The following MVB12B variants were observed in gnomAD, a reference collection of about 807,000 sequenced individuals.
The protein encoded by MVB12B is multivesicular body subunit 12B.
A neutral mutation model predicts 41.6 loss-of-function variants in MVB12B; 16 were observed. The ratio of observed to expected loss-of-function variants is 0.38; its 90% confidence interval spans 0.26 to 0.58. MVB12B has a LOEUF of 0.58. Ranked by LOEUF, MVB12B falls within the 20% of genes least tolerant of loss-of-function variation. The pLI, the probability that MVB12B is intolerant of heterozygous loss-of-function variation, is 0.62. For missense variants in MVB12B, 274 were observed against 380.2 expected, an observed-to-expected ratio of 0.72 and a Z score of 2.32; for synonymous variants, 133 against 139.7, an observed-to-expected ratio of 0.95 and a Z score of 0.34.
In MVB12B at chr9:126,376,736, C is replaced by T; in HGVS notation, c.205-4328C>T. On this transcript the variant is annotated intron_variant, in intron 2 of 9. Coordinates refer to ENST00000361171, the MANE Select transcript of MVB12B (RefSeq NM_033446.3). The surrounding 1 kb of genome is among the most constrained non-coding windows in gnomAD (Gnocchi z 4.1). ...GAAGTTGCACCTCCTCCCCCACCTC[C>T]TCCTGACCTCCAGCCTCCTTCCCCA... The T allele has an allele frequency of 8.1e-7, 1 of 1,240,036 alleles. No homozygotes were observed. Among genetic ancestry groups the T allele is most frequent in the Non-Finnish European group, 1.0e-6 (1 of 960,936 alleles). The allele number at this position is 1,240,036 out of a possible 1,614,324, so 76.8% of individuals were successfully genotyped here. A position where few individuals can be genotyped will look rare whatever the true frequency, so the allele number is the denominator to read the frequency against.
At chr9:126,329,298 C>G (rs1829064087) in intron 1 of MVB12B, among the ~76,000 whole-genome samples, 1 of 152,210 alleles carries the variant, frequency 6.6e-6, no homozygotes, top group South Asian at 2.1e-4. Flanking sequence ...TCAAGAAGAG[C>G]TGAAGGAGCT....
chr9:126,463,917 C>T (rs1588192880), intron 7 of MVB12B, among the ~76,000 whole-genome samples: 1 of 152,180 alleles, frequency 6.6e-6, no homozygotes, highest in South Asian at 2.1e-4. Context: ...CTACTATCTT[C>T]GTCACTCCCG....
chr9:126,360,017 C>T (rs1829986619), intron 2 of MVB12B, among the ~76,000 whole-genome samples: 1 of 152,054 alleles, frequency 6.6e-6, no homozygotes. Context: ...AAGTTTTGGT[C>T]ATTGATTTGA....
chr9:126,378,553 G>A (rs1045831501), intron 2 of MVB12B, among the ~76,000 whole-genome samples: 2 of 152,052 alleles, frequency 1.3e-5, no homozygotes, highest in Non-Finnish European at 2.9e-5. Context: ...CCATTCCAGA[G>A]CCCTTCTCTG....
At chr9:126,381,593 C>G (rs144461923) in intron 3 of MVB12B, among the ~76,000 whole-genome samples, 1 of 152,164 alleles carries the variant, frequency 6.6e-6, no homozygotes, top group South Asian at 2.1e-4. Context: ...GACGTTTCCT[C>G]GCTCTTTGAG....
intron 6 of MVB12B, among the ~76,000 whole-genome samples, chr9:126,408,849 G>A (rs1377582375): frequency 6.6e-6 from 1 of 152,202 alleles, no homozygotes; most frequent in Admixed American, 6.5e-5. Context: ...CCAAGCTGAT[G>A]TATAGTTCTA....
chr9:126,437,173 T>A (rs1169586010), intron 7 of MVB12B, among the ~76,000 whole-genome samples: 1 of 152,080 alleles, frequency 6.6e-6, no homozygotes. Context: ...AGCCCAGGAG[T>A]GGCATGCTGT....
chr9:126,354,848 A>T (rs1047973487), intron 2 of MVB12B, among the ~76,000 whole-genome samples: 1 of 152,206 alleles, frequency 6.6e-6, no homozygotes, highest in African/African-American at 2.4e-5. Flanking sequence ...ATAAAAACTT[A>T]AAAAAATTAG....
At chr9:126,457,776 G>T (rs1833012971) in intron 7 of MVB12B, among the ~76,000 whole-genome samples, 1 of 152,234 alleles carries the variant, frequency 6.6e-6, no homozygotes, top group Middle Eastern at 3.4e-3. Context: ...ATGTGTTTGG[G>T]ATTTTACAGG....
At chr9:126,455,438 G>A (rs554739710) in intron 7 of MVB12B, among the ~76,000 whole-genome samples, 3 of 151,848 alleles carry the variant, frequency 2.0e-5, no homozygotes, top group African/African-American at 7.2e-5. Context: ...CACCCACCTC[G>A]GCCTCCCAAA....
chr9:126,478,857 C>T lies in MVB12B; in HGVS notation c.758-2512C>T, dbSNP rs780668722. On this transcript the variant is annotated intron_variant, in intron 7 of 9. Coordinates refer to ENST00000361171, the MANE Select transcript of MVB12B (RefSeq NM_033446.3). The surrounding 1 kb of genome is among the most constrained non-coding windows in gnomAD (Gnocchi z 4.2). ...CACAGGATCCCTAGACATACAGTGA[C>T]ATGTAGATAGAAACAACTGTCACCA... 1.5e-4 allele frequency among the ~76,000 whole-genome samples: 23 copies of T among 152,208 alleles called. No individual in the cohort carries two copies. Among genetic ancestry groups the T allele is most frequent in the Non-Finnish European group, 3.1e-4 (21 of 68,038 alleles).
rs924391771 is a variant in MVB12B at position 126,391,892 on chromosome 9, G to A, written c.410-174G>A. 1.3e-5 allele frequency among the ~76,000 whole-genome samples: 2 copies of A among 152,164 alleles called. No homozygotes were observed. Among genetic ancestry groups the A allele is most frequent in the Admixed American group, 6.5e-5 (1 of 15,274 alleles). On this transcript the variant is annotated intron_variant, in intron 4 of 9. Transcript: ENST00000361171. The surrounding 1 kb of genome is among the most constrained non-coding windows in gnomAD (Gnocchi z 4.4). ...GGTTGGGTCCCACATGCAGAGCAGGGTGACTGCAGCCCCGGGGAAGGCAGG... is the reference window on the plus strand; with the variant it reads ...GGTTGGGTCCCACATGCAGAGCAGGATGACTGCAGCCCCGGGGAAGGCAGG...
In MVB12B at chr9:126,505,314, G is replaced by C. The variant is rs1483919295; in HGVS notation, c.*2051G>C. The C allele has an allele frequency of 6.6e-6, 1 of 152,166 alleles. No individual in the cohort carries two copies. The highest frequency in any genetic ancestry group is 1.5e-5 in the Non-Finnish European group (1 of 68,026). The allele number at this position is 152,166 out of a possible 1,614,324, so 9.4% of individuals were successfully genotyped here. ...ATAAGCAGTGAGGGCGGCTGCAGGA[G>C]AGGAAGGGGCTCCCACAGCCCCCAC... On this transcript the variant is annotated 3_prime_UTR_variant, in exon 10 of 10. Coordinates refer to ENST00000361171, the MANE Select transcript of MVB12B (RefSeq NM_033446.3).
intron 2 of MVB12B, among the ~76,000 whole-genome samples, chr9:126,358,861 C>T (rs532774288): frequency 1.3e-5 from 2 of 152,248 alleles, no homozygotes; most frequent in African/African-American, 4.8e-5. Context: ...GCATTCTTGC[C>T]TTTTCCCAAA....
chr9:126,335,671 G>A (rs1294188737), intron 1 of MVB12B, among the ~76,000 whole-genome samples: 2 of 152,192 alleles, frequency 1.3e-5, no homozygotes, highest in African/African-American at 4.8e-5. Flanking sequence ...TTTACTGGGG[G>A]ACAACCCATT....
intron 7 of MVB12B, among the ~76,000 whole-genome samples, chr9:126,439,094 T>A (rs1357255237): frequency 6.6e-6 from 1 of 152,108 alleles, no homozygotes; most frequent in Non-Finnish European, 1.5e-5. Context: ...CTTTTTTTTT[T>A]ATTTTAATAC....
At chr9:126,472,799 G>T (rs1017840249) in intron 7 of MVB12B, among the ~76,000 whole-genome samples, 5 of 152,086 alleles carry the variant, frequency 3.3e-5, no homozygotes, top group Admixed American at 1.3e-4. Flanking sequence ...ATGATAAAGG[G>T]CATATACTTA....
At position 126,459,728 on chromosome 9, in the gene MVB12B, AGCGCTCACAGGGGCC is replaced by A. The variant is rs1273459421; in HGVS notation, c.758-21632_758-21618del. 1.3e-5 allele frequency among the ~76,000 whole-genome samples: 2 copies of A among 152,098 alleles called. No homozygotes were observed. The highest frequency in any genetic ancestry group is 2.9e-5 in the Non-Finnish European group (2 of 68,020). ...GCAGCTTGGAGTGCGCAGTTGTTAC[AGCGCTCACAGGGGCC>A]GCGCTCACCTGCACCCATCCTTGCC... On this transcript the variant is annotated intron_variant, in intron 7 of 9. Transcript: ENST00000361171. This position sits in a 1 kb window ranked among gnomAD's most constrained non-coding sequence, Gnocchi z 4.3.
At chr9:126,433,229 G>A (rs559224027) in intron 7 of MVB12B, among the ~76,000 whole-genome samples, 33 of 149,152 alleles carry the variant, frequency 2.2e-4, no homozygotes, top group African/African-American at 8.3e-4. Flanking sequence ...ATGTATTGCT[G>A]TGATTGTTGG....
Sources: allele counts gnomAD v4.1 joint callset (sites outside exome capture counted in the v4.1 genomes callset), GRCh38; gene constraint gnomAD v4.1.1; non-coding constraint Gnocchi (gnomAD v3.1); transcripts MANE v1.5; gene names NCBI Gene and HGNC (gene_info 2026-07-23, HGNC 2026-07-21).